The following BCAS3 variants were observed in gnomAD, a reference collection of about 807,000 sequenced individuals.
BCAS3 encodes the protein BCAS4/BCAS3 fusion.
BCAS3 carries 53 observed loss-of-function variants against 116.1 expected under a neutral mutation model. The observed-to-expected ratio is 0.46, with a 90% confidence interval of 0.37 to 0.57. BCAS3 has a LOEUF of 0.57. Ranked by LOEUF, BCAS3 falls within the 20% of genes least tolerant of loss-of-function variation. The pLI is 0.00. For synonymous variants in BCAS3, 391 were observed against 408.2 expected, an observed-to-expected ratio of 0.96 and a Z score of 0.51; for missense variants, 917 against 1,165.4, an observed-to-expected ratio of 0.79 and a Z score of 3.10.
At chr17:61,142,015 C>G (rs1270884660) in intron 22 of BCAS3, among the ~76,000 whole-genome samples, 1 of 151,392 alleles carries the variant, frequency 6.6e-6, no homozygotes, top group African/African-American at 2.4e-5. Context: ...TATTTCCACT[C>G]TCATTTTCTC....
At chr17:60,681,729 CATATATATAT>C (rs1177373163) in intron 2 of BCAS3, among the ~76,000 whole-genome samples, 1 of 147,402 alleles carries the variant, frequency 6.8e-6, no homozygotes, top group Non-Finnish European at 1.5e-5. Flanking sequence ...TTTTTGTATA[CATATATATAT>C]ATTTTTTGAG....
At chr17:61,167,770 A>G (rs1601688362) in intron 22 of BCAS3, among the ~76,000 whole-genome samples, 1 of 152,300 alleles carries the variant, frequency 6.6e-6, no homozygotes, top group Middle Eastern at 3.4e-3. Flanking sequence ...TGTAGGGGAT[A>G]CCTTTGAACA....
At chr17:61,016,423 CTTTA>C (rs1210089375) in intron 16 of BCAS3, among the ~76,000 whole-genome samples, 1 of 152,084 alleles carries the variant, frequency 6.6e-6, no homozygotes, top group Non-Finnish European at 1.5e-5. Context: ...AAGATTTGGG[CTTTA>C]TTTAAGATTG....
chr17:61,157,627 G>A (rs1403613239), intron 22 of BCAS3, among the ~76,000 whole-genome samples: 1 of 104,382 alleles, frequency 9.6e-6, no homozygotes, highest in East Asian at 3.3e-4. Context: ...CATTCCCAAT[G>A]GGAGTGTTGT....
rs1352355384 is a variant in BCAS3, at chr17:61,214,230, G to C, written c.2425+129666G>C. On this transcript the variant is annotated intron_variant, in intron 22 of 23. Coordinates refer to ENST00000407086, the MANE Select transcript of BCAS3 (RefSeq NM_017679.5). The surrounding 1 kb of genome is among the most constrained non-coding windows in gnomAD (Gnocchi z 4.4). ...AAAATACAAAAATTAGCCAGGTGTG[G>C]TGGCAGGCACCTGTAATCCCAGCTA... Among the ~76,000 whole-genome samples the C allele has an allele frequency of 1.3e-5, 2 of 152,090 alleles. No homozygotes were observed. The highest frequency in any genetic ancestry group is 2.9e-5 in the Non-Finnish European group (2 of 68,014).
At chr17:60,978,983 C>T (rs1187187577) in intron 14 of BCAS3, among the ~76,000 whole-genome samples, 3 of 138,534 alleles carry the variant, frequency 2.2e-5, no homozygotes, top group Admixed American at 7.4e-5. Context: ...CTTGGCGATG[C>T]GGGCTCTTTT....
chr17:60,950,639 A>G (rs2060781259), intron 14 of BCAS3, among the ~76,000 whole-genome samples: 1 of 152,208 alleles, frequency 6.6e-6, no homozygotes, highest in African/African-American at 2.4e-5. Flanking sequence ...TTTATTAGGC[A>G]TATATTCTGA....
In BCAS3 at chr17:61,307,349, A is replaced by G. The variant is rs191342327; in HGVS notation, c.2426-60978A>G. ...AAACTACCTGTAATTTTTCCTGTCT[A>G]CTTTTACTAGAGTTTACTAGAGGTT... On this transcript the variant is annotated intron_variant, in intron 22 of 23. Coordinates refer to ENST00000407086, the MANE Select transcript of BCAS3 (RefSeq NM_017679.5). The surrounding 1 kb of genome is among the most constrained non-coding windows in gnomAD (Gnocchi z 4.7). 1.4e-4 allele frequency among the ~76,000 whole-genome samples: 22 copies of G among 152,308 alleles called. No homozygotes were observed. The highest frequency in any genetic ancestry group is 4.4e-5 in the Non-Finnish European group (3 of 68,014).
intron 19 of BCAS3, among the ~76,000 whole-genome samples, chr17:61,061,852 T>C (rs2143310256): frequency 6.6e-6 from 1 of 152,324 alleles, no homozygotes; most frequent in African/African-American, 2.4e-5. Context: ...AACAACGTGT[T>C]TGAGCAGTTG....
In BCAS3 at chr17:61,198,355, T is replaced by A. The variant is rs1206492184; in HGVS notation, c.2425+113791T>A. Among the ~76,000 whole-genome samples, 1 of 152,144 alleles carries A rather than the reference T, an allele frequency of 6.6e-6. No homozygotes were observed. Among genetic ancestry groups the A allele is most frequent in the Non-Finnish European group, 1.5e-5 (1 of 68,032 alleles). On this transcript the variant is annotated intron_variant, in intron 22 of 23. Coordinates refer to ENST00000407086, the MANE Select transcript of BCAS3 (RefSeq NM_017679.5). The surrounding 1 kb of genome is among the most constrained non-coding windows in gnomAD (Gnocchi z 5.0). ...TGGGGTTTCACCGTGTTAGCCAGGA[T>A]GTTCTCGATCTCCTGACCTCGTGAT...
chr17:60,759,419 T>C (rs891823646), intron 6 of BCAS3, among the ~76,000 whole-genome samples: 2 of 152,130 alleles, frequency 1.3e-5, no homozygotes, highest in African/African-American at 2.4e-5. Context: ...AATCCAATGT[T>C]TCATTGTTGA....
At position 61,083,597 on chromosome 17, in the gene BCAS3, CT is replaced by C. The variant is rs778684833; in HGVS notation, c.2328-854del. 0.093 allele frequency among the ~76,000 whole-genome samples: 12,769 copies of C among 136,584 alleles called. 1,577 individuals carry two copies. The highest frequency in any genetic ancestry group is 0.31 in the African/African-American group (11,257 of 36,598). The allele number at this position is 136,584 out of a possible 152,430, so 89.6% of individuals were successfully genotyped here. ...ATTTGGCATTTATATGTTTATTATT[CT>C]TTTTTTTTTTTTTTTGAGACGGAGT... On this transcript the variant is annotated intron_variant, in intron 21 of 23. Coordinates refer to ENST00000407086, the MANE Select transcript of BCAS3 (RefSeq NM_017679.5). This position sits in a 1 kb window ranked among gnomAD's most constrained non-coding sequence, Gnocchi z 4.9.
chr17:60,697,844 G>A (rs73332374), intron 4 of BCAS3, among the ~76,000 whole-genome samples: 10,640 of 151,952 alleles, frequency 0.07, 1,244 homozygotes, highest in African/African-American at 0.24. Context: ...AGGAAAGACC[G>A]TAAAGTTCAG....
At chr17:61,038,165 C>T in intron 18 of BCAS3, 111 bp downstream of exon 18, 1 of 919,564 alleles carries the variant, frequency 1.1e-6, no homozygotes, top group Admixed American at 3.0e-5. Context: ...ATCATCACCA[C>T]AATTAACATG....
In BCAS3 at chr17:61,233,631, T is replaced by TG. The variant is rs1341622629; in HGVS notation, c.2426-134695dup. Among the ~76,000 whole-genome samples, 1 of 152,206 alleles carries TG rather than the reference T, an allele frequency of 6.6e-6. No individual in the cohort carries two copies. Among genetic ancestry groups the TG allele is most frequent in the Non-Finnish European group, 1.5e-5 (1 of 68,032 alleles). Reference sequence around the variant, plus strand: ...TGCCTTAACCCTGTCTCTGATTCACTGAGGGACCTTGGATAAGTCACAATC... The same window carrying TG: ...TGCCTTAACCCTGTCTCTGATTCACTGGAGGGACCTTGGATAAGTCACAATC... On this transcript the variant is annotated intron_variant, in intron 22 of 23. Transcript: ENST00000407086. This position sits in a 1 kb window ranked among gnomAD's most constrained non-coding sequence, Gnocchi z 4.3.
rs545184608 is a variant in BCAS3 at position 61,139,866 on chromosome 17, G to A, written c.2425+55302G>A. ...GAGAAAGTTTTATGGAAAAAATGCCGTTTGAGCTAGAATTTGAGGAATACG... is the reference window on the plus strand; with the variant it reads ...GAGAAAGTTTTATGGAAAAAATGCCATTTGAGCTAGAATTTGAGGAATACG... On this transcript the variant is annotated intron_variant, in intron 22 of 23. Transcript: ENST00000407086. The surrounding 1 kb of genome is among the most constrained non-coding windows in gnomAD (Gnocchi z 4.7). Among the ~76,000 whole-genome samples the A allele has an allele frequency of 9.9e-5, 15 of 152,226 alleles. No individual in the cohort carries two copies. The highest frequency in any genetic ancestry group is 1.4e-4 in the African/African-American group (6 of 41,550).
chr17:60,682,198 G>A (rs2033264935), intron 2 of BCAS3, among the ~76,000 whole-genome samples: 2 of 152,184 alleles, frequency 1.3e-5, no homozygotes, highest in Admixed American at 1.3e-4. Context: ...CTCAAAGGAG[G>A]CAGCACTTAA....
At chr17:60,904,149 T>TA (rs1431236052) in intron 11 of BCAS3, among the ~76,000 whole-genome samples, 2 of 152,200 alleles carry the variant, frequency 1.3e-5, no homozygotes, top group African/African-American at 4.8e-5. Context: ...CTCATGCCTG[T>TA]AATCCCAGCA....
chr17:61,374,040 T>G (rs1340605121), intron 23 of BCAS3, among the ~76,000 whole-genome samples: 1 of 151,350 alleles, frequency 6.6e-6, no homozygotes, highest in Admixed American at 6.6e-5. Flanking sequence ...GGTCTCAAAC[T>G]CCTGGCCTCA....
Sources: allele counts gnomAD v4.1 joint callset (sites outside exome capture counted in the v4.1 genomes callset), GRCh38; gene constraint gnomAD v4.1.1; non-coding constraint Gnocchi (gnomAD v3.1); transcripts MANE v1.5; gene names NCBI Gene and HGNC (gene_info 2026-07-23, HGNC 2026-07-21).